The following ELAPOR2 variants were observed in gnomAD, a reference collection of about 807,000 sequenced individuals.
ELAPOR2 encodes the protein endosome/lysosome-associated apoptosis and autophagy regulator family member 2.
A neutral mutation model predicts 120.7 loss-of-function variants in ELAPOR2; 89 were observed. That is an observed-to-expected ratio of 0.74 (90% CI 0.62 to 0.88). The LOEUF (loss-of-function observed/expected upper bound fraction) is 0.88, where lower values mean the gene tolerates loss of function less well. Ranked by LOEUF, ELAPOR2 falls within the 40% of genes least tolerant of loss-of-function variation. The pLI, the probability that ELAPOR2 is intolerant of heterozygous loss-of-function variation, is 0.00. For synonymous variants in ELAPOR2, 444 were observed against 444.9 expected, an observed-to-expected ratio of 1.00 and a Z score of 0.03; for missense variants, 1,134 against 1,251.6, an observed-to-expected ratio of 0.91 and a Z score of 1.42.
chr7:87,052,889 C>G (rs1313169027), intron 1 of ELAPOR2, among the ~76,000 whole-genome samples: 1 of 152,080 alleles, frequency 6.6e-6, no homozygotes, highest in African/African-American at 2.4e-5. Context: ...CTCAACCTCC[C>G]AGGTTCAATC....
intron 8 of ELAPOR2, among the ~76,000 whole-genome samples, 178 bp from the exon 9 acceptor site, chr7:86,927,094 CTG>C (rs2116237905): frequency 6.6e-6 from 1 of 152,018 alleles, no homozygotes; most frequent in African/African-American, 2.4e-5. Flanking sequence ...GGGGAAATGA[CTG>C]TTACTTCCAA....
chr7:86,937,225 TG>T (rs1284682695), intron 8 of ELAPOR2, among the ~76,000 whole-genome samples: 1 of 152,108 alleles, frequency 6.6e-6, no homozygotes, highest in African/African-American at 2.4e-5. Flanking sequence ...AGAATGTACT[TG>T]CTCTTAACAA....
At chr7:87,047,997 G>T (rs1195563868) in intron 1 of ELAPOR2, among the ~76,000 whole-genome samples, 1 of 152,150 alleles carries the variant, frequency 6.6e-6, no homozygotes, top group Non-Finnish European at 1.5e-5. Flanking sequence ...TGTAATCCCA[G>T]AACTTTGGGA....
At chr7:86,984,367 A>G (rs1287586655) in intron 1 of ELAPOR2, among the ~76,000 whole-genome samples, 1 of 152,212 alleles carries the variant, frequency 6.6e-6, no homozygotes, top group East Asian at 1.9e-4. Context: ...CTCTACCCCA[A>G]ATCAACAGAA....
chr7:87,018,132 C>A (rs1039365089), intron 1 of ELAPOR2, among the ~76,000 whole-genome samples: 4 of 151,998 alleles, frequency 2.6e-5, no homozygotes, highest in African/African-American at 9.7e-5. Context: ...CCTCTGCCTC[C>A]CAGGTTTAAA....
intron 21 of ELAPOR2, among the ~76,000 whole-genome samples, chr7:86,886,232 C>T (rs1799682149): frequency 6.6e-6 from 1 of 152,042 alleles, no homozygotes. Context: ...GAAAAACAGC[C>T]CAGCACTTTA....
intron 15 of ELAPOR2, chr7:86,911,824 A>G (rs975480606): frequency 1.7e-6 from 1 of 579,220 alleles, no homozygotes; most frequent in Non-Finnish European, 3.1e-6. Context: ...CACTTACACC[A>G]TAGCTCCAAG....
Position 86,877,704 on chromosome 7 carries a change from G to A in ELAPOR2, c.*2767C>T, listed in dbSNP as rs947078512. On this transcript the variant is annotated 3_prime_UTR_variant, in exon 22 of 22. Transcript: ENST00000450689. ...AGCAGTCAATCATGACCCACCTGGG[G>A]ACCTGGAGACCCCAGATGCTAAAGA... The A allele has an allele frequency of 5.9e-5, 9 of 152,136 alleles. No homozygotes were observed. The highest frequency in any genetic ancestry group is 9.7e-5 in the African/African-American group (4 of 41,430). The allele number at this position is 152,136 out of a possible 1,614,324, so 9.4% of individuals were successfully genotyped here.
Position 87,007,881 on chromosome 7 carries a change from G to A in ELAPOR2, c.190-42857C>T, listed in dbSNP as rs1177120533. Among the ~76,000 whole-genome samples, 6 of 152,280 alleles carry A rather than the reference G, an allele frequency of 3.9e-5. No individual in the cohort carries two copies. The South Asian group carries it at 6.2e-4, about 16-fold the overall frequency. On this transcript the variant is annotated intron_variant, in intron 1 of 21. Coordinates refer to ENST00000450689, the MANE Select transcript of ELAPOR2 (RefSeq NM_001142749.3). ...TCAGTGCATATTGACATAAATAAAT[G>A]AGGAAGAAGGGAAAGGCTTTCTTTT...
At chr7:86,885,721 A>C (rs1320750189) in intron 21 of ELAPOR2, among the ~76,000 whole-genome samples, 2 of 152,152 alleles carry the variant, frequency 1.3e-5, no homozygotes, top group Non-Finnish European at 2.9e-5. Flanking sequence ...GGAGCATACA[A>C]ATAAGAGGAT....
intron 1 of ELAPOR2, among the ~76,000 whole-genome samples, chr7:87,039,409 A>G (rs1164495719): frequency 6.6e-6 from 1 of 152,208 alleles, no homozygotes; most frequent in Admixed American, 6.5e-5. Flanking sequence ...CTCATTCTAC[A>G]AGGCTAATAT....
chr7:87,019,669 CAG>C (rs1034842920), intron 1 of ELAPOR2, among the ~76,000 whole-genome samples: 2 of 152,106 alleles, frequency 1.3e-5, no homozygotes, highest in African/African-American at 4.8e-5. Context: ...GAAGAAGAAA[CAG>C]ACACTCAAAT....
In ELAPOR2 at chr7:87,059,451, G is replaced by C. The variant is rs1176866374; in HGVS notation, c.63C>G (p.Pro21=). The C allele has an allele frequency of 8.2e-6, 10 of 1,225,754 alleles. No individual in the cohort carries two copies. The highest frequency in any genetic ancestry group is 9.2e-6 in the Non-Finnish European group (9 of 981,514). 75.9% of individuals were successfully genotyped at this position (1,225,754 alleles called of 1,614,324 possible). Residue 21 remains proline (P), a synonymous_variant, in exon 1 of 22, where the codon CCC becomes CCG. Coordinates refer to ENST00000450689, the MANE Select transcript of ELAPOR2 (RefSeq NM_001142749.3). ...TCCAGGGCGGCGAGCGCCCGCGGCG[G>C]GGAGCCTCCGCCGGCCGCCCCCAGC... ...GRGWGRPAEA[P]RRGRSPPWSP...
intron 1 of ELAPOR2, among the ~76,000 whole-genome samples, chr7:87,058,460 G>A (rs1441417574): frequency 6.6e-6 from 1 of 151,856 alleles, no homozygotes; most frequent in Admixed American, 6.6e-5. Flanking sequence ...TCATTAAGAG[G>A]ATGCACTTTC....
rs560045626 is a variant in ELAPOR2 at position 87,048,243 on chromosome 7, GAA to G, written c.189+11080_189+11081del. Reference sequence around the variant, plus strand: ...TGGCGACAGAGTGAGACTTCATCTAGAAAAAAAAAAAAAAGAAAATGTGGTAT... The same window carrying G: ...TGGCGACAGAGTGAGACTTCATCTAGAAAAAAAAAAAAGAAAATGTGGTAT... On this transcript the variant is annotated intron_variant, in intron 1 of 21. Transcript: ENST00000450689. 7.8e-3 allele frequency among the ~76,000 whole-genome samples: 832 copies of G among 106,900 alleles called. 7 individuals are homozygous for G. The highest frequency in any genetic ancestry group is 0.028 in the African/African-American group (800 of 28,534). The allele number at this position is 106,900 out of a possible 152,430, so 70.1% of individuals were successfully genotyped here. A position where few individuals can be genotyped will look rare whatever the true frequency, so the allele number is the denominator to read the frequency against.
rs187548795 is a variant in ELAPOR2, at chr7:86,969,638, T to C, written c.190-4614A>G. Among the ~76,000 whole-genome samples the C allele has an allele frequency of 1.5e-3, 224 of 152,218 alleles. 4 individuals are homozygous for C. The highest frequency in any genetic ancestry group is 0.01 in the Admixed American group (160 of 15,272). On this transcript the variant is annotated intron_variant, in intron 1 of 21. Coordinates refer to ENST00000450689, the MANE Select transcript of ELAPOR2 (RefSeq NM_001142749.3). ...AGACAACACACACAAAAAACATAAA[T>C]TTATAAGAAAGCATAAAGAATAAGG...
intron 1 of ELAPOR2, among the ~76,000 whole-genome samples, chr7:86,978,536 G>A (rs1172414695): frequency 6.6e-6 from 1 of 152,116 alleles, no homozygotes; most frequent in Non-Finnish European, 1.5e-5. Flanking sequence ...GAAAAATAAA[G>A]GAACATTTTC....
At chr7:87,009,185 A>C (rs1793577789) in intron 1 of ELAPOR2, among the ~76,000 whole-genome samples, 1 of 152,232 alleles carries the variant, frequency 6.6e-6, no homozygotes, top group African/African-American at 2.4e-5. Flanking sequence ...CTAACCATCA[A>C]GCAAGGTGAA....
intron 8 of ELAPOR2, among the ~76,000 whole-genome samples, chr7:86,935,823 C>T (rs1350767740): frequency 6.6e-6 from 1 of 152,004 alleles, no homozygotes; most frequent in Non-Finnish European, 1.5e-5. Flanking sequence ...TATGAATGAG[C>T]AAGCCATTCC....
Sources: gnomAD v4.1 joint callset for allele counts (sites outside exome capture counted in the v4.1 genomes callset) on GRCh38, gnomAD v4.1.1 for gene constraint, MANE v1.5 for transcripts, NCBI Gene and HGNC (gene_info 2026-07-23, HGNC 2026-07-21) for gene names.